The following SLCO6A1 variants were observed in gnomAD, a reference collection of about 807,000 sequenced individuals.
SLCO6A1 encodes cancer/testis antigen 48.
Under a neutral mutation model 72.7 loss-of-function variants are expected in SLCO6A1, and 65 were observed. The observed-to-expected ratio is 0.89, with a 90% confidence interval of 0.73 to 1.10. The LOEUF (loss-of-function observed/expected upper bound fraction) is 1.10. SLCO6A1 is among the 50% of genes least tolerant of loss of function. SLCO6A1 has a pLI of 0.00. For synonymous variants in SLCO6A1, 314 were observed against 298.2 expected, an observed-to-expected ratio of 1.05 and a Z score of -0.55; for missense variants, 874 against 872.6, an observed-to-expected ratio of 1.00 and a Z score of -0.02.
intron 7 of SLCO6A1, 24 bp downstream of exon 7, chr5:102,438,593 A>C: frequency 6.4e-7 from 1 of 1,567,946 alleles, no homozygotes; most frequent in Non-Finnish European, 8.6e-7. Flanking sequence ...AATTTTTGAA[A>C]TGACAATAAG....
At chr5:102,428,067 T>C (rs1032907720) in intron 7 of SLCO6A1, among the ~76,000 whole-genome samples, 1 of 151,378 alleles carries the variant, frequency 6.6e-6, no homozygotes, top group Admixed American at 6.6e-5. Context: ...AGACCGGGTT[T>C]CACCTTGTTG....
At chr5:102,481,225 C>A (rs1752175487) in intron 1 of SLCO6A1, among the ~76,000 whole-genome samples, 1 of 61,208 alleles carries the variant, frequency 1.6e-5, no homozygotes, top group Non-Finnish European at 4.7e-5. Context: ...GAACTGCAAT[C>A]ACTACATTTT....
At chr5:102,477,571 G>T in intron 3 of SLCO6A1, 105 bp downstream of exon 3, 2 of 848,880 alleles carry the variant, frequency 2.4e-6, no homozygotes, top group Non-Finnish European at 3.6e-6. Flanking sequence ...TTATTACAAT[G>T]TTATCATAAG....
chr5:102,426,245 C>T (rs967986768), intron 7 of SLCO6A1, among the ~76,000 whole-genome samples: 2 of 152,044 alleles, frequency 1.3e-5, no homozygotes, highest in Non-Finnish European at 2.9e-5. Context: ...AAAGCAAAGG[C>T]AATAAAAGCC....
In SLCO6A1 at chr5:102,447,807, ATTCT is replaced by A. The variant is rs565469760; in HGVS notation, c.1132-9050_1132-9047del. On this transcript the variant is annotated intron_variant, in intron 6 of 13. Coordinates refer to ENST00000506729, the MANE Select transcript of SLCO6A1 (RefSeq NM_173488.5). ...ACCTAGTGGTCTATCAATCTTATTT[ATTCT>A]TTCTAAGAACAAACGTTTCATTTCA... is the stretch of plus-strand genomic sequence containing the variant. 2.1e-3 allele frequency among the ~76,000 whole-genome samples: 313 copies of A among 151,836 alleles called. 2 individuals carry two copies. Among genetic ancestry groups the A allele is most frequent in the African/African-American group, 7.2e-3 (297 of 41,402 alleles).
Position 102,399,737 on chromosome 5 carries a change from G to A in SLCO6A1, c.1632C>T (p.Tyr544=). Reference sequence around the variant, plus strand: ...CTTCTTTAATGCAAGAACAATTGTAGTACATCTGTGAGTATTGAAGACAGG... The same window carrying A: ...CTTCTTTAATGCAAGAACAATTGTAATACATCTGTGAGTATTGAAGACAGG... ...YSKAQNQKKM[Y]YNCSCIKEGL... Residue 544 remains tyrosine (Y), a synonymous_variant, in exon 10 of 14, where the codon TAC becomes TAT. Coordinates refer to ENST00000506729, the MANE Select transcript of SLCO6A1 (RefSeq NM_173488.5). 2 of 1,565,812 alleles carry A rather than the reference G, an allele frequency of 1.3e-6. No individual in the cohort carries two copies. The highest frequency in any genetic ancestry group is 1.7e-6 in the Non-Finnish European group (2 of 1,151,772).
At chr5:102,490,962 C>G (rs1205916039) in intron 1 of SLCO6A1, among the ~76,000 whole-genome samples, 1 of 152,126 alleles carries the variant, frequency 6.6e-6, no homozygotes, top group Non-Finnish European at 1.5e-5. Context: ...ATTATCTTAT[C>G]TGGCCTCACC....
intron 9 of SLCO6A1, among the ~76,000 whole-genome samples, chr5:102,405,548 T>C (rs1166509382): frequency 2.0e-5 from 3 of 151,898 alleles, no homozygotes; most frequent in East Asian, 1.9e-4. Flanking sequence ...TGAAAGAAAA[T>C]AATGATCACC....
chr5:102,479,172 TAGTG>T (rs1401440110), intron 2 of SLCO6A1, among the ~76,000 whole-genome samples: 4 of 152,138 alleles, frequency 2.6e-5, no homozygotes, highest in South Asian at 4.1e-4. Context: ...GTTCTCGTGA[TAGTG>T]AGTGAGTTCT....
Position 102,486,376 on chromosome 5 carries a change from C to G in SLCO6A1, c.359-5942G>C, listed in dbSNP as rs191139700. ...AGCTTTGTTTTCAATAATTAAAATT[C>G]AACAAAAGCTTCTAATATTTTAGAA... On this transcript the variant is annotated intron_variant, in intron 1 of 13. Transcript: ENST00000506729. Among the ~76,000 whole-genome samples the G allele has an allele frequency of 8.5e-5, 13 of 152,112 alleles. No homozygotes were observed. In the East Asian group the frequency reaches 2.3e-3, roughly 27 times the overall value.
At position 102,373,444 on chromosome 5, in the gene SLCO6A1, T is replaced by G. The variant is rs758765105; in HGVS notation, c.2068A>C (p.Ile690Leu). The G allele has an allele frequency of 2.5e-6, 4 of 1,574,262 alleles. No individual in the cohort carries two copies. Among genetic ancestry groups the G allele is most frequent in the Non-Finnish European group, 3.4e-6 (4 of 1,163,120 alleles). The change falls in exon 13 of 14, where the codon ATA becomes CTA. Residue 690 changes from isoleucine (I) to leucine (L), a missense_variant. Physicochemically the swap from Ile to Leu is conservative, Grantham distance 5. Coordinates refer to ENST00000506729, the MANE Select transcript of SLCO6A1 (RefSeq NM_173488.5). ...TTCTCATTTAGACGACGTTTGTATA[T>G]GAAAAATGCAATAGTAGTGAAGATG... The part of the protein sequence containing the change: ...TIIFTTIAFF[I>L]YKRRLNENTD...
chr5:102,448,520 C>T (rs935044478), intron 6 of SLCO6A1, among the ~76,000 whole-genome samples: 1 of 152,138 alleles, frequency 6.6e-6, no homozygotes, highest in Non-Finnish European at 1.5e-5. Flanking sequence ...CTTCATAAGT[C>T]TCTAAGAACT....
At chr5:102,392,697 A>C (rs549632904) in intron 10 of SLCO6A1, among the ~76,000 whole-genome samples, 61 of 152,126 alleles carry the variant, frequency 4.0e-4, no homozygotes, top group Non-Finnish European at 2.6e-4. Flanking sequence ...GCTTTAACAA[A>C]AAAGCATTAA....
At chr5:102,424,255 A>G (rs1748767142) in intron 7 of SLCO6A1, among the ~76,000 whole-genome samples, 1 of 152,158 alleles carries the variant, frequency 6.6e-6, no homozygotes, top group South Asian at 2.1e-4. Flanking sequence ...AGCAGAAGAC[A>G]AGACATAATT....
At chr5:102,414,703 G>A (rs1748177702) in intron 8 of SLCO6A1, among the ~76,000 whole-genome samples, 2 of 151,986 alleles carry the variant, frequency 1.3e-5, no homozygotes, top group South Asian at 4.1e-4. Context: ...CGACCGGCCT[G>A]GGCAACACAG....
At chr5:102,438,565 T>A in intron 7 of SLCO6A1, 52 bp downstream of exon 7, 1 of 1,400,048 alleles carries the variant, frequency 7.1e-7, no homozygotes. Context: ...CATAAGTACA[T>A]ACAATAAGAC....
intron 12 of SLCO6A1, among the ~76,000 whole-genome samples, chr5:102,377,659 A>G (rs1013256192): frequency 6.6e-6 from 1 of 151,832 alleles, no homozygotes; most frequent in Admixed American, 6.6e-5. Flanking sequence ...ATAGATATAG[A>G]CATAGACATA....
chr5:102,467,857 C>T (rs1726848446), intron 4 of SLCO6A1, among the ~76,000 whole-genome samples: 1 of 151,854 alleles, frequency 6.6e-6, no homozygotes. Context: ...TTTGTTATTT[C>T]TTTCCTTCTG....
intron 2 of SLCO6A1, among the ~76,000 whole-genome samples, chr5:102,478,264 A>AATATGTGTGCAT (rs1431113715): frequency 4.2e-5 from 6 of 143,666 alleles, no homozygotes; most frequent in Non-Finnish European, 6.3e-5. Flanking sequence ...ATGTGTGCAT[A>AATATGTGTGCAT]AATATGTTTG....
Sources: gnomAD v4.1 joint callset for allele counts (sites outside exome capture counted in the v4.1 genomes callset) on GRCh38, gnomAD v4.1.1 for gene constraint, MANE v1.5 for transcripts, NCBI Gene and HGNC (gene_info 2026-07-23, HGNC 2026-07-21) for gene names.